Variants in COG5 observed in about 807,000 individuals in gnomAD.
COG5 encodes the protein conserved oligomeric Golgi complex subunit 5.
A neutral mutation model predicts 110.4 loss-of-function variants in COG5; 86 were observed. That is an observed-to-expected ratio of 0.78 (90% CI 0.65 to 0.93). COG5 has a LOEUF of 0.93. Among genes scored for constraint, COG5 ranks in the 40% least tolerant of loss-of-function variants. COG5 has a pLI of 0.00. For synonymous variants in COG5, 360 were observed against 334.6 expected, an observed-to-expected ratio of 1.08 and a Z score of -0.83; for missense variants, 1,077 against 987.0, an observed-to-expected ratio of 1.09 and a Z score of -1.22.
At chr7:107,530,942 C>G (rs916710930) in intron 5 of COG5, among the ~76,000 whole-genome samples, 6 of 152,114 alleles carry the variant, frequency 3.9e-5, no homozygotes, top group Non-Finnish European at 1.5e-5. Context: ...GAGACAGGAT[C>G]ATGTGAGCCA....
chr7:107,292,030 CCTTT>C (rs1420309876), intron 12 of COG5, among the ~76,000 whole-genome samples: 1 of 152,004 alleles, frequency 6.6e-6, no homozygotes, highest in Non-Finnish European at 1.5e-5. Flanking sequence ...CCTTTCTTTG[CCTTT>C]CTTTTTCTAT....
chr7:107,355,952 G>C (rs1013579605), intron 10 of COG5, among the ~76,000 whole-genome samples: 1 of 152,196 alleles, frequency 6.6e-6, no homozygotes, highest in Non-Finnish European at 1.5e-5. Flanking sequence ...GAAGTCCACA[G>C]TTTACACATT....
chr7:107,328,778 G>A (rs1809991191), intron 10 of COG5, among the ~76,000 whole-genome samples: 1 of 151,930 alleles, frequency 6.6e-6, no homozygotes, highest in African/African-American at 2.4e-5. Flanking sequence ...AAACTTTTTG[G>A]AAACAGAAAA....
intron 5 of COG5, among the ~76,000 whole-genome samples, chr7:107,546,251 T>C (rs182889540): frequency 6.6e-5 from 10 of 152,112 alleles, no homozygotes; most frequent in African/African-American, 2.4e-4. Context: ...GCAATAAATG[T>C]CTACATCAAA....
Position 107,230,623 on chromosome 7 carries a change from T to C in COG5, c.2160A>G (p.Arg720=). The change falls in exon 19 of 22, where the codon AGA becomes AGG. Residue 720 remains arginine, a synonymous_variant. Coordinates refer to ENST00000297135, the MANE Select transcript of COG5 (RefSeq NM_006348.5). The stretch of plus-strand genomic sequence containing the variant: ...AAAGAATTCGGTCTTACCTGAATGA[T>C]CTCAGCATCCGATAGGACTTTCCTA... ...SDLGKSYRML[R]SFRPLLFQAS... is the part of the protein sequence containing the mutation. 1 of 1,611,354 alleles carries C rather than the reference T, an allele frequency of 6.2e-7. No individual in the cohort carries two copies. The highest frequency in any genetic ancestry group is 8.5e-7 in the Non-Finnish European group (1 of 1,177,512).
Position 107,474,637 on chromosome 7 carries a change from A to C in COG5, c.538+52600T>G. 6.2e-7 allele frequency: 1 copy of C among 1,610,256 alleles called. No individual in the cohort carries two copies. The highest frequency in any genetic ancestry group is 8.5e-7 in the Non-Finnish European group (1 of 1,177,100). On this transcript the variant is annotated intron_variant, in intron 6 of 21. Transcript: ENST00000297135. The surrounding 1 kb of genome is among the most constrained non-coding windows in gnomAD (Gnocchi z 5.7). Reference sequence around the variant, plus strand: ...TCAAAGTGGAAATACCTGGGAAAACAAGACACTTTTATGTGTCAGTACAAA... The same window carrying C: ...TCAAAGTGGAAATACCTGGGAAAACCAGACACTTTTATGTGTCAGTACAAA...
intron 10 of COG5, among the ~76,000 whole-genome samples, chr7:107,359,082 G>A (rs1266875442): frequency 6.6e-6 from 1 of 152,176 alleles, no homozygotes; most frequent in Non-Finnish European, 1.5e-5. Flanking sequence ...CTGAGTTGGA[G>A]GGGTGGGACC....
chr7:107,454,459 AC>A (rs1223623542), intron 6 of COG5, among the ~76,000 whole-genome samples: 3 of 152,186 alleles, frequency 2.0e-5, no homozygotes, highest in African/African-American at 7.2e-5. Context: ...TAGTTTTTTA[AC>A]GTCTTTATTC....
At chr7:107,522,855 T>C (rs1475755254) in intron 6 of COG5, among the ~76,000 whole-genome samples, 2 of 152,224 alleles carry the variant, frequency 1.3e-5, no homozygotes, top group African/African-American at 4.8e-5. Flanking sequence ...TTCATATATA[T>C]GTGGGTCTAT....
chr7:107,403,706 T>C (rs1307240731), intron 7 of COG5, among the ~76,000 whole-genome samples: 1 of 152,084 alleles, frequency 6.6e-6, no homozygotes, highest in Non-Finnish European at 1.5e-5. Flanking sequence ...AAAAAGTCTT[T>C]TATAAGGGCA....
At chr7:107,512,037 T>A (rs1799556601) in intron 6 of COG5, among the ~76,000 whole-genome samples, 1 of 152,138 alleles carries the variant, frequency 6.6e-6, no homozygotes, top group Non-Finnish European at 1.5e-5. Flanking sequence ...TGTTGGAAGT[T>A]CTGGCCAGGG....
chr7:107,236,347 G>A (rs1403655493), intron 18 of COG5, 103 bp downstream of exon 18: 1 of 840,066 alleles, frequency 1.2e-6, no homozygotes, highest in Non-Finnish European at 2.0e-6. Flanking sequence ...ACTTTTCTTT[G>A]TGCTGCAACT....
chr7:107,310,624 A>T (rs1388064182), intron 11 of COG5, among the ~76,000 whole-genome samples: 1 of 152,226 alleles, frequency 6.6e-6, no homozygotes, highest in Non-Finnish European at 1.5e-5. Context: ...AACCAGTTAG[A>T]GGACAGTTCT....
intron 6 of COG5, among the ~76,000 whole-genome samples, chr7:107,519,699 G>C (rs186200804): frequency 6.6e-6 from 1 of 152,098 alleles, no homozygotes; most frequent in Admixed American, 6.5e-5. Flanking sequence ...ATTCACAGCC[G>C]AATTCTGCCA....
In COG5 at chr7:107,236,627, T is replaced by G. The variant is rs778873140; in HGVS notation, c.1914A>C (p.Gln638His). The G allele has an allele frequency of 6.2e-7, 1 of 1,614,154 alleles. No homozygotes were observed. Among genetic ancestry groups the G allele is most frequent in the Non-Finnish European group, 8.5e-7 (1 of 1,180,016 alleles). The change falls in exon 18 of 22, where the codon CAA becomes CAC. Residue 638 changes from glutamine to histidine, a missense_variant. By Grantham distance (24) the Gln-to-His change is conservative (BLOSUM62 0). Coordinates refer to ENST00000297135, the MANE Select transcript of COG5 (RefSeq NM_006348.5). ...CACTCATAACTCTGGCAATGAAACC[T>G]TGTAGCTCCTTCATGTACAGAGAAC... ...VPCSLYMKEL[Q>H]GFIARVMSDY...
rs145695598 is a variant in COG5, at chr7:107,244,698, G to A, written c.1853+3698C>T. Among the ~76,000 whole-genome samples the A allele has an allele frequency of 3.1e-3, 468 of 152,064 alleles. 4 individuals are homozygous for A. The highest frequency in any genetic ancestry group is 0.011 in the African/African-American group (452 of 41,484). On this transcript the variant is annotated intron_variant, in intron 17 of 21. Transcript: ENST00000297135. ...CTAAACCCAAAAAGTAGAAAACCTA[G>A]AAGAGATGGACACATTCCTGGACAC...
chr7:107,489,358 G>T (rs369882128), intron 6 of COG5, among the ~76,000 whole-genome samples: 12 of 152,032 alleles, frequency 7.9e-5, no homozygotes, highest in African/African-American at 2.9e-4. Flanking sequence ...AATGCAGGCC[G>T]CATCAATGGA....
chr7:107,327,330 AT>A (rs1809858592), intron 10 of COG5, among the ~76,000 whole-genome samples: 1 of 152,204 alleles, frequency 6.6e-6, no homozygotes, highest in Non-Finnish European at 1.5e-5. Context: ...AAGACCTGAA[AT>A]TATAACTCCT....
At chr7:107,255,413 T>C (rs944317703) in intron 16 of COG5, among the ~76,000 whole-genome samples, 4 of 152,156 alleles carry the variant, frequency 2.6e-5, no homozygotes, top group African/African-American at 9.6e-5. Context: ...CATTCATATA[T>C]GAATTTAGTG....
Sources: gnomAD v4.1 joint callset for allele counts (sites outside exome capture counted in the v4.1 genomes callset) on GRCh38, gnomAD v4.1.1 for gene constraint, Gnocchi (gnomAD v3.1) non-coding constraint, MANE v1.5 for transcripts, NCBI Gene and HGNC (gene_info 2026-07-23, HGNC 2026-07-21) for gene names.